Variants in CACNA1C observed in about 807,000 individuals in gnomAD.
The protein encoded by CACNA1C is voltage-dependent L-type calcium channel subunit alpha-1C.
In CACNA1C, 30 loss-of-function variants were observed where a neutral mutation model predicts 229.0. That is an observed-to-expected ratio of 0.13 (90% CI 0.10 to 0.18). CACNA1C has a LOEUF of 0.18. CACNA1C is among the 10% of genes least tolerant of loss of function. The pLI is 1.00. For missense variants in CACNA1C, 1,658 were observed against 2,845.0 expected (o/e 0.58, Z 9.49); for synonymous variants, 1,114 against 1,132.5 (o/e 0.98, Z 0.33).
rs796919112 is a variant in CACNA1C at position 2,354,862 on chromosome 12, C to T, written c.478-94114C>T. Among the ~76,000 whole-genome samples the T allele has an allele frequency of 6.6e-5, 10 of 152,224 alleles. No individual in the cohort carries two copies. The highest frequency in any genetic ancestry group is 1.9e-4 in the East Asian group (1 of 5,164). ...CTGGAGTAACCATTTCAGAGCTGGT[C>T]GTTTCCCCGCAGCTTTAGATTCCAT... On this transcript the variant is annotated intron_variant, in intron 3 of 46. Coordinates refer to ENST00000399655, the MANE Select transcript of CACNA1C (RefSeq NM_000719.7). This position sits in a 1 kb window ranked among gnomAD's most constrained non-coding sequence, Gnocchi z 4.6.
At chr12:2,291,609 T>C (rs989271231) in intron 3 of CACNA1C, among the ~76,000 whole-genome samples, 4 of 152,230 alleles carry the variant, frequency 2.6e-5, no homozygotes, top group Non-Finnish European at 4.4e-5. Context: ...AGAAGTACCC[T>C]GCAGTGGAGG....
rs138573675 is a variant in CACNA1C at position 2,430,889 on chromosome 12, C to A, written c.478-18087C>A. On this transcript the variant is annotated intron_variant, in intron 3 of 46. Transcript: ENST00000399655. ...GTTTCTCCTCTGTTCCTGAGCCTCCCACCCAGGAAACACACCCACTGCTGA... is the reference window on the plus strand; with the variant it reads ...GTTTCTCCTCTGTTCCTGAGCCTCCAACCCAGGAAACACACCCACTGCTGA... Among the ~76,000 whole-genome samples, 55 of 152,224 alleles carry A rather than the reference C, an allele frequency of 3.6e-4. 1 individual carries two copies. The East Asian group carries it at 9.3e-3, about 26-fold the overall frequency.
intron 3 of CACNA1C, among the ~76,000 whole-genome samples, chr12:2,338,929 T>A (rs2096780972): frequency 6.6e-6 from 1 of 152,238 alleles, no homozygotes; most frequent in Non-Finnish European, 1.5e-5. Context: ...TATCTTATTA[T>A]GAGTTACAGA....
At chr12:2,550,861 G>A (rs1458989200) in intron 10 of CACNA1C, among the ~76,000 whole-genome samples, 8 of 152,212 alleles carry the variant, frequency 5.3e-5, no homozygotes, top group Non-Finnish European at 1.2e-4. Flanking sequence ...GAATGAGGCT[G>A]ACGGCAGAGC....
At chr12:2,369,078 A>G (rs2097787077) in intron 3 of CACNA1C, among the ~76,000 whole-genome samples, 1 of 152,238 alleles carries the variant, frequency 6.6e-6, no homozygotes, top group Admixed American at 6.5e-5. Context: ...CCATTTTAAA[A>G]GTAGAAGGCC....
intron 3 of CACNA1C, among the ~76,000 whole-genome samples, chr12:2,328,620 T>C (rs1180528820): frequency 1.3e-5 from 2 of 152,096 alleles, no homozygotes; most frequent in African/African-American, 2.4e-5. Flanking sequence ...ATGGAAAACA[T>C]AGGTGGGCAT....
In CACNA1C at chr12:2,679,500, C is replaced by T. The variant is rs371262001; in HGVS notation, c.5148C>T (p.Ser1716=). 1.6e-5 allele frequency: 26 copies of T among 1,607,608 alleles called. No individual in the cohort carries two copies. Among genetic ancestry groups the T allele is most frequent in the African/African-American group, 4.0e-5 (3 of 74,734 alleles). Residue 1716 remains serine (S), a synonymous_variant, in exon 42 of 47, where the codon AGC becomes AGT. Coordinates refer to ENST00000399655, the MANE Select transcript of CACNA1C (RefSeq NM_000719.7). The surrounding 1 kb of genome is among the most constrained non-coding windows in gnomAD (Gnocchi z 5.5). ...GCTACTACCAAAGCGACGGCCGGAG[C>T]GCCTTCCCCCAGACCTTCACCACTC... The part of the protein sequence containing the change: ...HVSYYQSDGR[S]AFPQTFTTQR...
intron 3 of CACNA1C, among the ~76,000 whole-genome samples, chr12:2,202,073 T>C (rs1045675635): frequency 2.0e-5 from 3 of 152,250 alleles, no homozygotes; most frequent in Non-Finnish European, 4.4e-5. Context: ...GTTATAATGA[T>C]TAGAGAAATG....
chr12:2,290,466 G>C (rs1053322010), intron 3 of CACNA1C, among the ~76,000 whole-genome samples: 1 of 152,220 alleles, frequency 6.6e-6, no homozygotes, highest in African/African-American at 2.4e-5. Context: ...GTATAAGAAT[G>C]AGGGATTAGT....
Position 2,682,672 on chromosome 12 carries a change from C to G in CACNA1C, c.5567C>G (p.Thr1856Arg), listed in dbSNP as rs976958765. ...TGCAGTGAGCCCAGCCTGCTCTCCA[C>G]AGAGATGTGAGCTCTGCTGCCCTCT... ...EACSEPSLLSTEMLSYQDDEN... is the reference protein window; with the variant it reads ...EACSEPSLLSREMLSYQDDEN... Residue 1856 changes from threonine (T) to arginine (R), a missense_variant, in exon 43 of 47, where the codon ACA becomes AGA. Thr to Arg is a moderately conservative substitution (Grantham distance 71). Coordinates refer to ENST00000399655, the MANE Select transcript of CACNA1C (RefSeq NM_000719.7). 6.2e-7 allele frequency: 1 copy of G among 1,610,638 alleles called. No homozygotes were observed. Among genetic ancestry groups the G allele is most frequent in the African/African-American group, 1.3e-5 (1 of 74,980 alleles).
intron 3 of CACNA1C, among the ~76,000 whole-genome samples, chr12:2,387,556 A>G (rs1401885937): frequency 1.3e-5 from 2 of 152,196 alleles, no homozygotes; most frequent in African/African-American, 4.8e-5. Flanking sequence ...AAAGAAAGAA[A>G]GAAAGCAATG....
chr12:2,109,111 C>T (rs546436764), intron 1 of CACNA1C, among the ~76,000 whole-genome samples: 135 of 152,274 alleles, frequency 8.9e-4, no homozygotes, highest in Non-Finnish European at 1.6e-3. Flanking sequence ...TCTGTGTCTA[C>T]GAAGGTGGAG....
intron 1 of CACNA1C, among the ~76,000 whole-genome samples, chr12:2,113,913 C>T (rs950034616): frequency 2.0e-5 from 3 of 152,232 alleles, no homozygotes; most frequent in African/African-American, 7.2e-5. Flanking sequence ...GCAGCTGTCC[C>T]TGCGCAGGTT....
intron 5 of CACNA1C, among the ~76,000 whole-genome samples, chr12:2,476,037 G>A (rs1344988078): frequency 1.3e-5 from 2 of 152,178 alleles, no homozygotes; most frequent in Non-Finnish European, 2.9e-5. Flanking sequence ...AAAAGTACAG[G>A]TCCAGGTAGC....
At chr12:2,251,128 T>G (rs554914384) in intron 3 of CACNA1C, among the ~76,000 whole-genome samples, 1 of 152,328 alleles carries the variant, frequency 6.6e-6, no homozygotes, top group East Asian at 1.9e-4. Context: ...ATCATTTAGT[T>G]TCTGTCATCA....
chr12:2,497,858 T>C (rs140996066), intron 7 of CACNA1C, among the ~76,000 whole-genome samples: 4 of 152,238 alleles, frequency 2.6e-5, no homozygotes, highest in African/African-American at 9.6e-5. Context: ...AGGAGACTCT[T>C]GGAACAAAAA....
intron 3 of CACNA1C, among the ~76,000 whole-genome samples, chr12:2,124,897 C>A (rs977151419): frequency 6.6e-6 from 1 of 152,064 alleles, no homozygotes; most frequent in Admixed American, 6.5e-5. Context: ...GATGTCCTAC[C>A]GGCGGTCGAC....
At chr12:2,382,071 T>C (rs2098263933) in intron 3 of CACNA1C, among the ~76,000 whole-genome samples, 1 of 152,222 alleles carries the variant, frequency 6.6e-6, no homozygotes, top group Non-Finnish European at 1.5e-5. Context: ...ATGAAGTCTA[T>C]AGATGGAATT....
At chr12:2,232,227 G>GTTTTTTTTTTTTTTTTTTTTTT (rs1169407536) in intron 3 of CACNA1C, among the ~76,000 whole-genome samples, 15 of 73,572 alleles carry the variant, frequency 2.0e-4, no homozygotes, top group Admixed American at 3.2e-4. Flanking sequence ...GTCTTTCCTT[G>GTTTTTTTTTTTTTTTTTTTTTT]TTTTTTTTTT....
Sources: allele counts gnomAD v4.1 joint callset (sites outside exome capture counted in the v4.1 genomes callset), GRCh38; gene constraint gnomAD v4.1.1; non-coding constraint Gnocchi (gnomAD v3.1); transcripts MANE v1.5; gene names NCBI Gene and HGNC (gene_info 2026-07-23, HGNC 2026-07-21).